AGAP1: variants seen among roughly 807,000 people sequenced by gnomAD.
AGAP1 encodes ArfGAP with GTPase domain, ankyrin repeat and PH domain 1.
A neutral mutation model predicts 105.3 loss-of-function variants in AGAP1; 29 were observed. The ratio of observed to expected loss-of-function variants is 0.28; its 90% CI spans 0.21 to 0.38. AGAP1 has a LOEUF of 0.38. Among genes scored for constraint, AGAP1 ranks in the 10% least tolerant of loss-of-function variants. The pLI, the probability that AGAP1 is intolerant of heterozygous loss-of-function variation, is 1.00. For missense variants in AGAP1, 998 were observed against 1,165.1 expected, an observed-to-expected ratio of 0.86 and a Z score of 2.09; for synonymous variants, 509 against 485.9, an observed-to-expected ratio of 1.05 and a Z score of -0.63.
chr2:235,563,008 C>G (rs375482029), intron 1 of AGAP1, among the ~76,000 whole-genome samples: 160 of 152,118 alleles, frequency 1.1e-3, no homozygotes, highest in African/African-American at 3.7e-3. Context: ...TGCAGTGAGC[C>G]GCTGCACACC....
chr2:236,031,676 G>A (rs1161093100), intron 13 of AGAP1, among the ~76,000 whole-genome samples: 1 of 152,128 alleles, frequency 6.6e-6, no homozygotes, highest in Non-Finnish European at 1.5e-5. Flanking sequence ...CCCATCTCTG[G>A]ATAGTTGTGA....
chr2:235,620,369 G>A lies in AGAP1; in HGVS notation c.164-88810G>A, dbSNP rs1352339913. 6.6e-6 allele frequency among the ~76,000 whole-genome samples: 1 copy of A among 152,100 alleles called. No individual in the cohort carries two copies. Among genetic ancestry groups the A allele is most frequent in the Non-Finnish European group, 1.5e-5 (1 of 68,026 alleles). ...AGCCAGGGGCATCCCTGAGAAGCCG[G>A]GTCAGAGTGTGATGCCCTCTGCCAA... On this transcript the variant is annotated intron_variant, in intron 1 of 17. Coordinates refer to ENST00000304032, the MANE Select transcript of AGAP1 (RefSeq NM_001037131.3). The surrounding 1 kb of genome is among the most constrained non-coding windows in gnomAD (Gnocchi z 4.5).
At chr2:235,573,933 G>T (rs1013325039) in intron 1 of AGAP1, among the ~76,000 whole-genome samples, 5 of 152,258 alleles carry the variant, frequency 3.3e-5, no homozygotes, top group Non-Finnish European at 7.3e-5. Flanking sequence ...CTCCCAGCGG[G>T]TTGGCATTCT....
At chr2:235,933,327 G>A (rs2052817146) in intron 12 of AGAP1, among the ~76,000 whole-genome samples, 1 of 152,156 alleles carries the variant, frequency 6.6e-6, no homozygotes, top group African/African-American at 2.4e-5. Context: ...GCAGTGAAGT[G>A]AAAGGTGATA....
rs978441732 is a variant in AGAP1, at chr2:235,979,841, T to C, written c.1645+11218T>C. 1.3e-5 allele frequency among the ~76,000 whole-genome samples: 2 copies of C among 152,174 alleles called. No homozygotes were observed. Among genetic ancestry groups the C allele is most frequent in the Non-Finnish European group, 2.9e-5 (2 of 68,040 alleles). On this transcript the variant is annotated intron_variant, in intron 13 of 17. Coordinates refer to ENST00000304032, the MANE Select transcript of AGAP1 (RefSeq NM_001037131.3). This position sits in a 1 kb window ranked among gnomAD's most constrained non-coding sequence, Gnocchi z 4.5. ...AGTGGAAAAAAGCAAAGGAAAAATG[T>C]TTTAGTTTTCTCTTAAGCTGATTTC...
chr2:235,897,498 G>C (rs1174515377), intron 10 of AGAP1, among the ~76,000 whole-genome samples: 2 of 152,180 alleles, frequency 1.3e-5, no homozygotes, highest in Non-Finnish European at 2.9e-5. Flanking sequence ...AGTGTGGCTG[G>C]AGGGTTTGAG....
At chr2:235,818,959 G>A (rs1438853209) in intron 9 of AGAP1, among the ~76,000 whole-genome samples, 1 of 152,200 alleles carries the variant, frequency 6.6e-6, no homozygotes, top group Non-Finnish European at 1.5e-5. Flanking sequence ...GCTGTTTTAC[G>A]CAGGGCTGTC....
At chr2:235,783,772 T>C (rs2149953912) in intron 6 of AGAP1, among the ~76,000 whole-genome samples, 1 of 152,270 alleles carries the variant, frequency 6.6e-6, no homozygotes, top group African/African-American at 2.4e-5. Context: ...CTCAGGGGGA[T>C]ATTTTCATCG....
rs1252332796 is a variant in AGAP1 at position 235,981,122 on chromosome 2, C to G, written c.1645+12499C>G. On this transcript the variant is annotated intron_variant, in intron 13 of 17. Transcript: ENST00000304032. This position sits in a 1 kb window ranked among gnomAD's most constrained non-coding sequence, Gnocchi z 5.5. ...AATTAGACACCCCAGAGTATGTGAT[C>G]ACTGTGAGATGTTTCTCAAAGTCTG... 6.6e-6 allele frequency among the ~76,000 whole-genome samples: 1 copy of G among 152,146 alleles called. No homozygotes were observed. Among genetic ancestry groups the G allele is most frequent in the Non-Finnish European group, 1.5e-5 (1 of 68,030 alleles).
At chr2:235,657,647 G>T (rs947266328) in intron 1 of AGAP1, among the ~76,000 whole-genome samples, 1 of 152,198 alleles carries the variant, frequency 6.6e-6, no homozygotes, top group African/African-American at 2.4e-5. Flanking sequence ...CTCCCAAAGT[G>T]CTGGGATTAC....
chr2:235,643,980 C>T (rs1947288345), intron 1 of AGAP1, among the ~76,000 whole-genome samples: 1 of 152,126 alleles, frequency 6.6e-6, no homozygotes, highest in Non-Finnish European at 1.5e-5. Flanking sequence ...TGTGTGCTGC[C>T]TTTGCTCTGT....
rs929944245 is a variant in AGAP1, at chr2:236,101,029, CAG to C, written c.2115-19162_2115-19161del. ...AATGTGAGCATCAGCTAGGCTGACA[CAG>C]GGGTCCGCAGACCCAGGCCCCTCAT... On this transcript the variant is annotated intron_variant, in intron 16 of 17. Transcript: ENST00000304032. The surrounding 1 kb of genome is among the most constrained non-coding windows in gnomAD (Gnocchi z 4.9). 6.6e-6 allele frequency among the ~76,000 whole-genome samples: 1 copy of C among 152,138 alleles called. No homozygotes were observed. The highest frequency in any genetic ancestry group is 2.4e-5 in the African/African-American group (1 of 41,440).
At chr2:235,673,095 T>C (rs1367966471) in intron 1 of AGAP1, among the ~76,000 whole-genome samples, 1 of 152,232 alleles carries the variant, frequency 6.6e-6, no homozygotes, top group Non-Finnish European at 1.5e-5. Flanking sequence ...AAAAGCTACA[T>C]CTTTCACCTG....
At position 235,689,155 on chromosome 2, in the gene AGAP1, T is replaced by C. The variant is rs188385102; in HGVS notation, c.164-20024T>C. ...TCCCATGAGTTAGGGGCTTCAGGGC[T>C]TCTGCGCTTTGCTGGCCCTTGTGCT... On this transcript the variant is annotated intron_variant, in intron 1 of 17. Coordinates refer to ENST00000304032, the MANE Select transcript of AGAP1 (RefSeq NM_001037131.3). The surrounding 1 kb of genome is among the most constrained non-coding windows in gnomAD (Gnocchi z 4.2). Among the ~76,000 whole-genome samples, 22 of 152,344 alleles carry C rather than the reference T, an allele frequency of 1.4e-4. No homozygotes were observed. In the East Asian group the frequency reaches 4.1e-3, roughly 28 times the overall value.
chr2:235,515,836 A>G (rs1408541200), intron 1 of AGAP1, among the ~76,000 whole-genome samples: 1 of 152,186 alleles, frequency 6.6e-6, no homozygotes, highest in African/African-American at 2.4e-5. Context: ...AGCTGGGCAA[A>G]TGCTAGAGGA....
rs1171764761 is a variant in AGAP1, at chr2:235,723,669, C to T, written c.310+6025C>T. 9.9e-5 allele frequency among the ~76,000 whole-genome samples: 15 copies of T among 152,206 alleles called. No individual in the cohort carries two copies. Among genetic ancestry groups the T allele is most frequent in the Non-Finnish European group, 1.5e-5 (1 of 68,046 alleles). On this transcript the variant is annotated intron_variant, in intron 3 of 17. Coordinates refer to ENST00000304032, the MANE Select transcript of AGAP1 (RefSeq NM_001037131.3). This position sits in a 1 kb window ranked among gnomAD's most constrained non-coding sequence, Gnocchi z 6.2. ...AGAAAAGCTGAAAGCCAGCACCACG[C>T]TGAGATCGTGGCACACCTGAGGAGG... is the stretch of plus-strand genomic sequence containing the variant.
At chr2:235,543,292 AGTGAGAAATGCCTAGTCGGAAG>A (rs1943513975) in intron 1 of AGAP1, among the ~76,000 whole-genome samples, 1 of 152,104 alleles carries the variant, frequency 6.6e-6, no homozygotes, top group South Asian at 2.1e-4. Context: ...AGGCAGCATC[AGTGAGAAATGCCTAGTCGGAAG>A]GTACCCGTTG....
intron 8 of AGAP1, among the ~76,000 whole-genome samples, chr2:235,800,614 C>G (rs913391652): frequency 2.0e-5 from 3 of 152,210 alleles, no homozygotes; most frequent in African/African-American, 7.2e-5. Context: ...CTTTTCCTCC[C>G]TGGATCACGC....
chr2:235,698,866 G>A (rs529089563), intron 1 of AGAP1, among the ~76,000 whole-genome samples: 1 of 152,318 alleles, frequency 6.6e-6, no homozygotes, highest in Admixed American at 6.5e-5. Context: ...TTAGATAGAA[G>A]CTCAGTTACT....
Sources: allele counts gnomAD v4.1 joint callset (sites outside exome capture counted in the v4.1 genomes callset), GRCh38; gene constraint gnomAD v4.1.1; non-coding constraint Gnocchi (gnomAD v3.1); transcripts MANE v1.5; gene names NCBI Gene and HGNC (gene_info 2026-07-23, HGNC 2026-07-21).